Variants in TNKS observed in about 807,000 individuals in gnomAD.
The protein encoded by TNKS is poly [ADP-ribose] polymerase tankyrase-1.
In TNKS, 72 loss-of-function variants were observed where a neutral mutation model predicts 135.8. The ratio of observed to expected loss-of-function variants is 0.53; its 90% CI spans 0.44 to 0.64. The LOEUF is 0.64. TNKS is among the 30% of genes least tolerant of loss of function. TNKS has a pLI of 0.00. For synonymous variants in TNKS, 849 were observed against 649.3 expected (o/e 1.31, Z -4.68); for missense variants, 1,769 against 1,674.0 (o/e 1.06, Z -0.99).
chr8:9,766,976 C>A (rs1413337691), intron 25 of TNKS, among the ~76,000 whole-genome samples: 1 of 152,150 alleles, frequency 6.6e-6, no homozygotes, highest in African/African-American at 2.4e-5. Flanking sequence ...GATAAAACTC[C>A]CTGCATCTTG....
intron 3 of TNKS, among the ~76,000 whole-genome samples, chr8:9,661,210 C>A (rs555168339): frequency 2.0e-5 from 3 of 152,030 alleles, no homozygotes; most frequent in Non-Finnish European, 2.9e-5. Context: ...CAATGACTTT[C>A]TTCACAGAAT....
In TNKS at chr8:9,710,190, C is replaced by A. The variant is rs35052906; in HGVS notation, c.1719C>A (p.Val573=). Residue 573 remains valine (V), a synonymous_variant, in exon 11 of 27, where the codon GTC becomes GTA. Coordinates refer to ENST00000310430, the MANE Select transcript of TNKS (RefSeq NM_003747.3). ...HVAAERAHND[V]MEVLHKHGAK... is the part of the protein sequence containing the mutation. Reference sequence around the variant, plus strand: ...CAGCCGAAAGAGCCCATAATGATGTCATGGAAGTTCTGCATAAGCATGGCG... The same window carrying A: ...CAGCCGAAAGAGCCCATAATGATGTAATGGAAGTTCTGCATAAGCATGGCG... 114,602 of 1,614,080 alleles carry A rather than the reference C, an allele frequency of 0.071. 4,766 individuals are homozygous for A. Among genetic ancestry groups the A allele is most frequent in the South Asian group, 0.17 (15,185 of 91,074 alleles).
intron 20 of TNKS, among the ~76,000 whole-genome samples, chr8:9,760,840 A>G (rs918867616): frequency 6.6e-6 from 1 of 152,252 alleles, no homozygotes; most frequent in South Asian, 2.1e-4. Flanking sequence ...GTATAAAAAC[A>G]GAATGTATTT....
At chr8:9,746,600 C>T (rs1002176522) in intron 17 of TNKS, among the ~76,000 whole-genome samples, 1 of 152,166 alleles carries the variant, frequency 6.6e-6, no homozygotes, top group African/African-American at 2.4e-5. Context: ...GTATTCCTTT[C>T]CTTAATGAGC....
intron 3 of TNKS, among the ~76,000 whole-genome samples, chr8:9,637,520 C>G (rs531435089): frequency 4.1e-4 from 63 of 152,180 alleles, no homozygotes; most frequent in African/African-American, 1.3e-3. Context: ...TTTTAATGCA[C>G]TGAGAGTGAA....
At chr8:9,765,041 A>G (rs900319994) in intron 23 of TNKS, among the ~76,000 whole-genome samples, 3 of 152,202 alleles carry the variant, frequency 2.0e-5, no homozygotes, top group African/African-American at 7.2e-5. Context: ...TCTACTAGTG[A>G]TACTTACGTG....
intron 5 of TNKS, among the ~76,000 whole-genome samples, chr8:9,686,057 C>G (rs912139301): frequency 6.6e-6 from 1 of 152,128 alleles, no homozygotes; most frequent in African/African-American, 2.4e-5. Context: ...TACTCATGCC[C>G]TTGTCTAGCC....
rs1464194767 is a variant in TNKS at position 9,704,612 on chromosome 8, T to C, written c.1108-51T>C. The C allele has an allele frequency of 7.5e-6, 11 of 1,475,302 alleles. No individual in the cohort carries two copies. The African/African-American group carries it at 1.3e-4, about 17-fold the overall frequency. The allele number at this position is 1,475,302 out of a possible 1,614,324, so 91.4% of individuals were successfully genotyped here. ...AAATCTGAAATGGCAAAGCAAGGAT[T>C]TTCTTTGTTTGTTTGTTTTTACCTG... On this transcript the variant is annotated intron_variant, in intron 5 of 26. Coordinates refer to ENST00000310430, the MANE Select transcript of TNKS (RefSeq NM_003747.3).
chr8:9,696,476 C>G (rs1803519502), intron 5 of TNKS, among the ~76,000 whole-genome samples: 1 of 151,970 alleles, frequency 6.6e-6, no homozygotes, highest in Non-Finnish European at 1.5e-5. Context: ...TAAAAGGCAT[C>G]TGGATAGGGA....
intron 3 of TNKS, among the ~76,000 whole-genome samples, chr8:9,644,502 T>C (rs555954861): frequency 8.1e-4 from 124 of 152,334 alleles, no homozygotes; most frequent in African/African-American, 2.8e-3. Flanking sequence ...AGAGAAATTT[T>C]AACGTTTCCC....
intron 17 of TNKS, among the ~76,000 whole-genome samples, chr8:9,736,520 T>A (rs1369329822): frequency 1.3e-5 from 2 of 150,800 alleles, no homozygotes; most frequent in African/African-American, 2.4e-5. Context: ...TCTTCTAGGG[T>A]TTTTATGGTT....
chr8:9,675,105 G>C (rs1300836458), intron 3 of TNKS, among the ~76,000 whole-genome samples: 4 of 152,184 alleles, frequency 2.6e-5, no homozygotes, highest in South Asian at 2.1e-4. Context: ...ATATTGCTTT[G>C]AGAGGAAGAC....
chr8:9,780,032 G>A lies in TNKS; in HGVS notation c.*3296G>A, dbSNP rs1258136228. On this transcript the variant is annotated 3_prime_UTR_variant, in exon 27 of 27. Coordinates refer to ENST00000310430, the MANE Select transcript of TNKS (RefSeq NM_003747.3). ...AGTATACAGAGAAATGCCTGAATATGGCAAGCAAATAATGTAGATTAACAT... is the reference window on the plus strand; with the variant it reads ...AGTATACAGAGAAATGCCTGAATATAGCAAGCAAATAATGTAGATTAACAT... 2.0e-5 allele frequency: 3 copies of A among 152,132 alleles called. No individual in the cohort carries two copies. The highest frequency in any genetic ancestry group is 7.2e-5 in the African/African-American group (3 of 41,428). 9.4% of individuals were successfully genotyped at this position (152,132 alleles called of 1,614,324 possible). A position where few individuals can be genotyped will look rare whatever the true frequency, so the allele number is the denominator to read the frequency against.
chr8:9,681,001 C>G (rs1802759655), intron 5 of TNKS: 1 of 413,622 alleles, frequency 2.4e-6, no homozygotes, highest in Middle Eastern at 6.2e-4. Context: ...TTAAGTAAGC[C>G]TTTTCTCTTA....
At chr8:9,578,441 C>T (rs1798042497) in intron 1 of TNKS, among the ~76,000 whole-genome samples, 1 of 152,348 alleles carries the variant, frequency 6.6e-6, no homozygotes, top group Admixed American at 6.5e-5. Flanking sequence ...GATTCAGTTA[C>T]TAATACAAAA....
intron 3 of TNKS, among the ~76,000 whole-genome samples, chr8:9,649,647 C>T (rs1385762605): frequency 2.6e-5 from 4 of 151,572 alleles, no homozygotes; most frequent in South Asian, 2.1e-4. Context: ...CCCCAAGTCC[C>T]CAAAGTCCAT....
chr8:9,772,798 TG>T (rs1407895954), intron 26 of TNKS, among the ~76,000 whole-genome samples: 38 of 126,238 alleles, frequency 3.0e-4, no homozygotes, highest in Non-Finnish European at 4.9e-4. Flanking sequence ...GGAGAATGTG[TG>T]TGTGTGTGTT....
At chr8:9,679,715 G>A in intron 3 of TNKS, 1 of 475,062 alleles carries the variant, frequency 2.1e-6, no homozygotes, top group Non-Finnish European at 3.8e-6. Context: ...TTGGTTGTCT[G>A]AAGAAAGCTA....
At chr8:9,565,822 A>G (rs916169721) in intron 1 of TNKS, among the ~76,000 whole-genome samples, 2 of 152,112 alleles carry the variant, frequency 1.3e-5, no homozygotes, top group African/African-American at 4.8e-5. Flanking sequence ...ACGCCACTGC[A>G]CTCCAGCCTG....
Sources: allele counts gnomAD v4.1 joint callset (sites outside exome capture counted in the v4.1 genomes callset), GRCh38; gene constraint gnomAD v4.1.1; transcripts MANE v1.5; gene names NCBI Gene and HGNC (gene_info 2026-07-23, HGNC 2026-07-21).